METAP1D: variants seen among roughly 807,000 people sequenced by gnomAD.
The protein encoded by METAP1D is methionyl aminopeptidase type 1D, mitochondrial.
Under a neutral mutation model 40.5 loss-of-function variants are expected in METAP1D, and 31 were observed. The observed-to-expected ratio is 0.77, with a 90% CI of 0.58 to 1.03. The LOEUF is 1.03. Ranked by LOEUF, METAP1D falls within the 50% of genes least tolerant of loss-of-function variation. The pLI is 0.00. For synonymous variants in METAP1D, 151 were observed against 146.4 expected, an observed-to-expected ratio of 1.03 and a Z score of -0.22; for missense variants, 411 against 420.7, an observed-to-expected ratio of 0.98 and a Z score of 0.20.
intron 1 of METAP1D, among the ~76,000 whole-genome samples, chr2:172,047,199 A>G (rs1574124215): frequency 6.6e-6 from 1 of 152,284 alleles, no homozygotes. Flanking sequence ...TGAAATGTAA[A>G]TAAGTTCTTC....
chr2:172,066,368 A>G (rs1354668182), intron 5 of METAP1D, 62 bp downstream of exon 5: 2 of 1,368,104 alleles, frequency 1.5e-6, no homozygotes, highest in East Asian at 4.6e-5. Flanking sequence ...AGCAACAGGA[A>G]GAGTGGATTG....
intron 1 of METAP1D, among the ~76,000 whole-genome samples, chr2:172,045,819 GTATATATATATATATATATATATATA>G: frequency 6.6e-5 from 1 of 15,192 alleles, no homozygotes; most frequent in Non-Finnish European, 1.1e-4. Context: ...GTGTGTGTGT[GTATATATATATATATATATATATATA>G]TATATATATA....
intron 8 of METAP1D, 90 bp from the exon 9 acceptor site, chr2:172,080,038 G>A: frequency 8.4e-7 from 1 of 1,186,526 alleles, no homozygotes; most frequent in Non-Finnish European, 1.2e-6. Flanking sequence ...GGGGAGGGAG[G>A]AGAAACTTCT....
chr2:172,028,904 G>A (rs755037123), intron 1 of METAP1D, among the ~76,000 whole-genome samples: 1 of 152,094 alleles, frequency 6.6e-6, no homozygotes, highest in Non-Finnish European at 1.5e-5. Flanking sequence ...TGATTAGTAT[G>A]TTACTTTAAT....
At chr2:172,052,408 A>G (rs1437313805) in intron 1 of METAP1D, among the ~76,000 whole-genome samples, 1 of 152,214 alleles carries the variant, frequency 6.6e-6, no homozygotes, top group Non-Finnish European at 1.5e-5. Context: ...GCTCTTTACC[A>G]GCTTGTTTCC....
At chr2:172,044,510 G>A (rs757876603) in intron 1 of METAP1D, among the ~76,000 whole-genome samples, 1 of 129,654 alleles carries the variant, frequency 7.7e-6, no homozygotes, top group Non-Finnish European at 1.8e-5. Context: ...CAGGAGAATC[G>A]CTTGAACCTG....
intron 5 of METAP1D, among the ~76,000 whole-genome samples, chr2:172,067,605 G>A (rs62183853): frequency 0.13 from 19,944 of 151,942 alleles, 1,615 homozygotes; most frequent in South Asian, 0.21. Context: ...CTGATTTTAC[G>A]GTTTTACATC....
chr2:172,078,602 A>T (rs141161978), intron 7 of METAP1D, among the ~76,000 whole-genome samples: 1 of 151,776 alleles, frequency 6.6e-6, no homozygotes, highest in African/African-American at 2.4e-5. Context: ...TAGAAGGACT[A>T]CTCTTTCGGA....
intron 5 of METAP1D, among the ~76,000 whole-genome samples, chr2:172,066,752 G>C (rs1690292128): frequency 6.6e-6 from 1 of 152,176 alleles, no homozygotes; most frequent in South Asian, 2.1e-4. Context: ...AGTGGGGCCT[G>C]TCATTATCTT....
rs1273069042 is a variant in METAP1D, at chr2:172,041,726, T to TTTTATATATATATATA, written c.41-19771_41-19770insTTATATATATATATAT. ...TTTTAATTTCCTTACTCTAATTATT[T>TTTTATATATATATATA]TATATATATATATATATATATATAT... On this transcript the variant is annotated intron_variant, in intron 1 of 9. Coordinates refer to ENST00000315796, the MANE Select transcript of METAP1D (RefSeq NM_199227.3). Among the ~76,000 whole-genome samples the TTTTATATATATATATA allele has an allele frequency of 1.1e-4, 4 of 37,568 alleles. 1 individual carries two copies. Among genetic ancestry groups the TTTTATATATATATATA allele is most frequent in the Admixed American group, 3.8e-4 (1 of 2,614 alleles). 24.6% of individuals were successfully genotyped at this position (37,568 alleles called of 152,430 possible).
intron 1 of METAP1D, among the ~76,000 whole-genome samples, chr2:172,058,339 T>C (rs1389955731): frequency 2.0e-5 from 3 of 152,178 alleles, no homozygotes; most frequent in African/African-American, 7.2e-5. Context: ...GAGACTGAAA[T>C]GAAGAAACTT....
At chr2:172,004,870 A>G (rs987896499) in intron 1 of METAP1D, among the ~76,000 whole-genome samples, 1 of 152,156 alleles carries the variant, frequency 6.6e-6, no homozygotes, top group Middle Eastern at 3.2e-3. Flanking sequence ...TCCTAAATCC[A>G]TACATACTTG....
At chr2:172,001,444 A>G (rs1256559509) in intron 1 of METAP1D, among the ~76,000 whole-genome samples, 3 of 152,128 alleles carry the variant, frequency 2.0e-5, no homozygotes, top group Non-Finnish European at 2.9e-5. Flanking sequence ...AGACTGAGGT[A>G]GGAAAATTGC....
At chr2:172,015,122 TTAATTCCACTTC>T (rs1688825408) in intron 1 of METAP1D, among the ~76,000 whole-genome samples, 1 of 152,244 alleles carries the variant, frequency 6.6e-6, no homozygotes, top group Non-Finnish European at 1.5e-5. Context: ...ACTTATTTAC[TTAATTCCACTTC>T]TAGAAATCTA....
chr2:172,003,175 A>C (rs936473379), intron 1 of METAP1D, among the ~76,000 whole-genome samples: 2 of 152,178 alleles, frequency 1.3e-5, no homozygotes, highest in African/African-American at 4.8e-5. Context: ...CATTGGAAAG[A>C]GGAAAAGACA....
intron 1 of METAP1D, among the ~76,000 whole-genome samples, chr2:172,051,175 C>G (rs1046682749): frequency 2.0e-5 from 3 of 152,114 alleles, no homozygotes; most frequent in Non-Finnish European, 2.9e-5. Flanking sequence ...ACTTATCCAC[C>G]AAATGATCAG....
At chr2:172,028,891 C>T (rs1227145478) in intron 1 of METAP1D, among the ~76,000 whole-genome samples, 1 of 152,000 alleles carries the variant, frequency 6.6e-6, no homozygotes, top group African/African-American at 2.4e-5. Flanking sequence ...CATAAACTTG[C>T]CATGATTAGT....
chr2:172,071,985 G>A (rs1252235985), intron 6 of METAP1D, among the ~76,000 whole-genome samples: 1 of 152,142 alleles, frequency 6.6e-6, no homozygotes, highest in Non-Finnish European at 1.5e-5. Context: ...TAAAAATATT[G>A]TAACAGTGTC....
At chr2:172,010,493 CTTTTT>C (rs759651661) in intron 1 of METAP1D, among the ~76,000 whole-genome samples, 6 of 88,966 alleles carry the variant, frequency 6.7e-5, no homozygotes, top group Non-Finnish European at 1.2e-4. Context: ...CTTCTTTCCT[CTTTTT>C]TTTTTTTTTT....
Sources: allele counts gnomAD v4.1 joint callset (sites outside exome capture counted in the v4.1 genomes callset), GRCh38; gene constraint gnomAD v4.1.1; transcripts MANE v1.5; gene names NCBI Gene and HGNC (gene_info 2026-07-23, HGNC 2026-07-21).